The following EGF variants were observed in gnomAD, a reference collection of about 807,000 sequenced individuals.
EGF encodes the protein pro-epidermal growth factor.
A neutral mutation model predicts 143.8 loss-of-function variants in EGF; 95 were observed. The observed-to-expected ratio is 0.66, with a 90% CI of 0.56 to 0.78. The LOEUF (loss-of-function observed/expected upper bound fraction) is 0.78. Ranked by LOEUF, EGF falls within the 30% of genes least tolerant of loss-of-function variation. The pLI is 0.00. For synonymous variants in EGF, 510 were observed against 510.5 expected (o/e 1.00, Z 0.01); for missense variants, 1,320 against 1,470.9 (o/e 0.90, Z 1.68).
chr4:109,974,925 A>G (rs1051368486), intron 12 of EGF, 118 bp downstream of exon 12: 1 of 718,114 alleles, frequency 1.4e-6, no homozygotes, highest in Non-Finnish European at 2.5e-6. Flanking sequence ...TCAAATCTTC[A>G]GCATGAATTC....
At chr4:109,941,392 A>T (rs1741903101) in intron 2 of EGF, among the ~76,000 whole-genome samples, 1 of 152,204 alleles carries the variant, frequency 6.6e-6, no homozygotes, top group South Asian at 2.1e-4. Flanking sequence ...ATCTGAGTTT[A>T]TTAAGTCAGA....
chr4:109,968,263 C>T (rs562672231), intron 10 of EGF, among the ~76,000 whole-genome samples: 3 of 152,194 alleles, frequency 2.0e-5, no homozygotes, highest in East Asian at 3.9e-4. Context: ...TAGCAAATAC[C>T]TAGTCTAACT....
intron 21 of EGF, chr4:110,004,253 AACAC>A: frequency 2.5e-6 from 1 of 405,432 alleles, no homozygotes; most frequent in African/African-American, 2.6e-5. Context: ...CACACACACA[AACAC>A]ACACACACCC....
At chr4:109,979,200 C>T (rs935532839) in intron 13 of EGF, among the ~76,000 whole-genome samples, 1 of 152,000 alleles carries the variant, frequency 6.6e-6, no homozygotes. Context: ...ATAAATGACT[C>T]TTTCAAAAAT....
intron 1 of EGF, among the ~76,000 whole-genome samples, chr4:109,915,746 C>G (rs138109672): frequency 1.3e-5 from 2 of 152,314 alleles, no homozygotes; most frequent in Non-Finnish European, 2.9e-5. Flanking sequence ...GGCATTGAGA[C>G]AGATCACCTC....
chr4:109,979,130 G>T (rs1748934952), intron 13 of EGF, among the ~76,000 whole-genome samples: 1 of 152,142 alleles, frequency 6.6e-6, no homozygotes, highest in Non-Finnish European at 1.5e-5. Flanking sequence ...TGGTGAAGGT[G>T]GGCTCAGAAA....
intron 16 of EGF, among the ~76,000 whole-genome samples, chr4:109,984,624 C>A (rs762070634): frequency 6.6e-6 from 1 of 152,130 alleles, no homozygotes; most frequent in Non-Finnish European, 1.5e-5. Flanking sequence ...TAATACTGAT[C>A]TGTGTTCAGT....
Position 109,926,418 on chromosome 4 carries a change from G to A in EGF, c.127+12956G>A, listed in dbSNP as rs891432212. On this transcript the variant is annotated intron_variant, in intron 1 of 23. Coordinates refer to ENST00000265171, the MANE Select transcript of EGF (RefSeq NM_001963.6). ...CGCCCAAGCTGGAGTGCAGTGGCGC[G>A]ATCTCGTCTCACTGCAAGCTCCACC... Among the ~76,000 whole-genome samples, 8 of 149,450 alleles carry A rather than the reference G, an allele frequency of 5.4e-5. No homozygotes were observed. In the East Asian group the frequency reaches 1.4e-3, roughly 26 times the overall value.
intron 1 of EGF, among the ~76,000 whole-genome samples, chr4:109,927,831 G>C (rs1738995748): frequency 6.6e-6 from 1 of 150,950 alleles, no homozygotes; most frequent in South Asian, 2.1e-4. Flanking sequence ...GTGTGTGTGT[G>C]TGTGTGTGTG....
rs192164641 is a variant in EGF at position 109,921,830 on chromosome 4, T to C, written c.127+8368T>C. 3.9e-4 allele frequency among the ~76,000 whole-genome samples: 59 copies of C among 151,702 alleles called. 1 individual carries two copies. The Middle Eastern group carries it at 0.014, about 35-fold the overall frequency. ...TTTTCTGGTTAAAATTTTAAAAGCT[T>C]GAAGGAGGATCTTTCTTTTTCACAC... On this transcript the variant is annotated intron_variant, in intron 1 of 23. Coordinates refer to ENST00000265171, the MANE Select transcript of EGF (RefSeq NM_001963.6).
chr4:110,004,241 C>CAA (rs1752957702), intron 21 of EGF: 2 of 481,532 alleles, frequency 4.2e-6, no homozygotes, highest in Non-Finnish European at 7.6e-6. Flanking sequence ...CACACACACA[C>CAA]ACACACACAC....
At chr4:110,009,545 A>T (rs1460644303) in intron 23 of EGF, among the ~76,000 whole-genome samples, 1 of 152,198 alleles carries the variant, frequency 6.6e-6, no homozygotes, top group Non-Finnish European at 1.5e-5. Context: ...GTACTCAGGA[A>T]TATATTAGAA....
chr4:109,943,167 G>A (rs1286490729), intron 2 of EGF, 87 bp from the exon 3 acceptor site: 1 of 952,560 alleles, frequency 1.0e-6, no homozygotes, highest in East Asian at 2.7e-5. Flanking sequence ...ATACTTAAAA[G>A]AATAGACTTT....
intron 1 of EGF, among the ~76,000 whole-genome samples, chr4:109,918,607 C>A (rs1157636654): frequency 1.3e-5 from 2 of 152,164 alleles, no homozygotes; most frequent in Admixed American, 1.3e-4. Context: ...AATGATTCAT[C>A]TACTGTGTGT....
intron 17 of EGF, 81 bp from the exon 18 acceptor site, chr4:109,988,503 G>A: frequency 4.4e-6 from 7 of 1,592,570 alleles, no homozygotes; most frequent in Non-Finnish European, 6.0e-6. Flanking sequence ...TTGAATATAC[G>A]ATTATGCTTA....
intron 10 of EGF, among the ~76,000 whole-genome samples, chr4:109,967,690 A>G (rs1184524629): frequency 6.6e-6 from 1 of 152,182 alleles, no homozygotes; most frequent in Admixed American, 6.5e-5. Flanking sequence ...CTAGACTGTA[A>G]AAGAACTTCG....
At chr4:109,986,480 C>T (rs765811646) in intron 16 of EGF, among the ~76,000 whole-genome samples, 1 of 152,182 alleles carries the variant, frequency 6.6e-6, no homozygotes, top group African/African-American at 2.4e-5. Flanking sequence ...GAAATCTTCT[C>T]GCTCAAGTAG....
intron 1 of EGF, among the ~76,000 whole-genome samples, chr4:109,919,213 G>A (rs1428016543): frequency 2.0e-5 from 3 of 151,666 alleles, no homozygotes; most frequent in African/African-American, 7.3e-5. Context: ...CTTCTACAAT[G>A]GGAGATGTTA....
chr4:109,985,078 C>A (rs537253501), intron 16 of EGF, among the ~76,000 whole-genome samples: 10 of 152,170 alleles, frequency 6.6e-5, no homozygotes, highest in Non-Finnish European at 1.5e-4. Flanking sequence ...TTTTGAAAGA[C>A]TAATGGTTGA....
Sources: allele counts gnomAD v4.1 joint callset (sites outside exome capture counted in the v4.1 genomes callset), GRCh38; gene constraint gnomAD v4.1.1; transcripts MANE v1.5; gene names NCBI Gene and HGNC (gene_info 2026-07-23, HGNC 2026-07-21).